Variants in FRMPD1 observed in about 807,000 individuals in gnomAD.
The protein encoded by FRMPD1 is FERM and PDZ domain containing 1, also known as FERM and PDZ domain-containing protein 1.
A neutral mutation model predicts 117.8 loss-of-function variants in FRMPD1; 76 were observed. The ratio of observed to expected loss-of-function variants is 0.65; its 90% CI spans 0.54 to 0.78. The LOEUF is 0.78. Ranked by LOEUF, FRMPD1 falls within the 30% of genes least tolerant of loss-of-function variation. FRMPD1 has a pLI of 0.00. For synonymous variants in FRMPD1, 783 were observed against 770.4 expected (o/e 1.02, Z -0.27); for missense variants, 1,786 against 1,964.5 (o/e 0.91, Z 1.72).
intron 13 of FRMPD1, among the ~76,000 whole-genome samples, chr9:37,735,962 T>TTC (rs372739292): frequency 4.6e-5 from 7 of 152,132 alleles, no homozygotes; most frequent in African/African-American, 1.7e-4. Context: ...ACCATGTGCT[T>TTC]TCCTGTTGGA....
At chr9:37,707,303 A>C in intron 2 of FRMPD1, 113 bp from the exon 3 acceptor site, 1 of 756,028 alleles carries the variant, frequency 1.3e-6, no homozygotes, top group Non-Finnish European at 2.1e-6. Context: ...CAAGAGGAGA[A>C]TTGGTGTCTG....
intron 15 of FRMPD1, among the ~76,000 whole-genome samples, chr9:37,744,171 CAGAA>C (rs1219441430): frequency 2.0e-5 from 3 of 152,076 alleles, no homozygotes; most frequent in Admixed American, 2.0e-4. Context: ...GCCTGGGTGA[CAGAA>C]AGAGACTCCG....
Position 37,673,177 on chromosome 9 carries a change from A to G in FRMPD1, c.-4-19461A>G, listed in dbSNP as rs570439656. Among the ~76,000 whole-genome samples, 476 of 152,308 alleles carry G rather than the reference A, an allele frequency of 3.1e-3. 3 individuals are homozygous for G. The highest frequency in any genetic ancestry group is 0.011 in the African/African-American group (459 of 41,576). On this transcript the variant is annotated intron_variant, in intron 1 of 15. Transcript: ENST00000377765. Reference sequence around the variant, plus strand: ...CAAAAGTAAGCTAGTTACTTCCTAGATACAATGGGGGTACATGTATTGGGT... The same window carrying G: ...CAAAAGTAAGCTAGTTACTTCCTAGGTACAATGGGGGTACATGTATTGGGT...
intron 1 of FRMPD1, among the ~76,000 whole-genome samples, chr9:37,669,115 C>G (rs1445654749): frequency 6.6e-6 from 1 of 152,164 alleles, no homozygotes; most frequent in Non-Finnish European, 1.5e-5. Context: ...CTTCCTTGTC[C>G]ATGCCTCTCT....
intron 1 of FRMPD1, among the ~76,000 whole-genome samples, chr9:37,653,012 G>T (rs189784824): frequency 2.4e-4 from 37 of 151,972 alleles, no homozygotes; most frequent in Admixed American, 1.5e-3. Context: ...GCTGGTACGA[G>T]CAAGGAACTG....
Position 37,708,512 on chromosome 9 carries a change from G to C in FRMPD1, c.362+11G>C. On this transcript the variant is annotated intron_variant, in intron 4 of 15. Coordinates refer to ENST00000377765, the MANE Select transcript of FRMPD1 (RefSeq NM_014907.3). ...AGTCGATATTCTCAGGTACTAAATGGTCTTCCATCATCTACAGAATTGCAC... is the reference window on the plus strand; with the variant it reads ...AGTCGATATTCTCAGGTACTAAATGCTCTTCCATCATCTACAGAATTGCAC... 6.9e-7 allele frequency: 1 copy of C among 1,450,934 alleles called. No homozygotes were observed. Among genetic ancestry groups the C allele is most frequent in the Non-Finnish European group, 9.7e-7 (1 of 1,030,862 alleles). The allele number at this position is 1,450,934 out of a possible 1,614,324, so 89.9% of individuals were successfully genotyped here.
At chr9:37,637,215 G>A in the FRMPD1 span, 1 of 1,609,972 alleles carries the variant, frequency 6.2e-7, no homozygotes, top group Non-Finnish European at 8.5e-7. Context: ...TCAGCAAACC[G>A]CAGGAGCAGG....
chr9:37,705,019 T>C (rs2118129292), intron 2 of FRMPD1, among the ~76,000 whole-genome samples: 1 of 152,302 alleles, frequency 6.6e-6, no homozygotes, highest in East Asian at 1.9e-4. Context: ...TTTCTAGATA[T>C]TTAGCATTCA....
chr9:37,632,852 A>C, the FRMPD1 span, among the ~76,000 whole-genome samples: 1 of 151,236 alleles, frequency 6.6e-6, no homozygotes, highest in African/African-American at 2.4e-5. Flanking sequence ...TCTCAAAGGG[A>C]GGGATGCTAG....
chr9:37,746,750 G>T lies in FRMPD1; in HGVS notation c.4718G>T (p.Arg1573Leu). ...AAVFCLTQKFRASTAL is the reference protein window; with the variant it reads ...AAVFCLTQKFLASTAL ...GTGTTCTGTTTGACCCAGAAGTTCCGGGCATCCACGGCCCTGTAAACAGGT... is the reference window on the plus strand; with the variant it reads ...GTGTTCTGTTTGACCCAGAAGTTCCTGGCATCCACGGCCCTGTAAACAGGT... Residue 1573 changes from arginine to leucine, a missense_variant, in exon 16 of 16, where the codon CGG becomes CTG. By Grantham distance (102) the Arg-to-Leu change is moderately radical. Coordinates refer to ENST00000377765, the MANE Select transcript of FRMPD1 (RefSeq NM_014907.3). 1 of 1,613,840 alleles carries T rather than the reference G, an allele frequency of 6.2e-7. No homozygotes were observed. Among genetic ancestry groups the T allele is most frequent in the Admixed American group, 1.7e-5 (1 of 60,028 alleles).
chr9:37,702,304 G>A (rs111696102), intron 2 of FRMPD1, among the ~76,000 whole-genome samples: 1 of 152,184 alleles, frequency 6.6e-6, no homozygotes, highest in African/African-American at 2.4e-5. Context: ...CTTCCCGTGA[G>A]CAAAGATCTT....
At chr9:37,656,212 A>C (rs1173802507) in intron 1 of FRMPD1, among the ~76,000 whole-genome samples, 1 of 152,150 alleles carries the variant, frequency 6.6e-6, no homozygotes, top group East Asian at 1.9e-4. Flanking sequence ...GATATCTGAA[A>C]TGGTTTGAGT....
chr9:37,611,112 A>T, the FRMPD1 span, among the ~76,000 whole-genome samples: 11 of 152,310 alleles, frequency 7.2e-5, no homozygotes, highest in South Asian at 2.1e-3. Context: ...ATACTGGGCC[A>T]AAGGGTATGT....
the FRMPD1 span, among the ~76,000 whole-genome samples, chr9:37,614,682 A>G: frequency 6.6e-6 from 1 of 152,254 alleles, no homozygotes; most frequent in Non-Finnish European, 1.5e-5. Context: ...GTACATAACC[A>G]GGATGCTAGC....
At chr9:37,625,305 A>G in the FRMPD1 span, among the ~76,000 whole-genome samples, 1 of 152,202 alleles carries the variant, frequency 6.6e-6, no homozygotes, top group Non-Finnish European at 1.5e-5. Flanking sequence ...CCTCAGGGAT[A>G]GGCCCTAAAT....
chr9:37,676,095 G>T (rs1357539243), intron 1 of FRMPD1, among the ~76,000 whole-genome samples: 3 of 152,194 alleles, frequency 2.0e-5, no homozygotes, highest in Non-Finnish European at 4.4e-5. Context: ...GCCTGTCTGC[G>T]CTCCGCATCA....
the FRMPD1 span, among the ~76,000 whole-genome samples, chr9:37,642,081 C>T: frequency 6.6e-6 from 1 of 152,174 alleles, no homozygotes; most frequent in East Asian, 1.9e-4. Context: ...GTGAGAAAGA[C>T]AATCACCATG....
chr9:37,630,028 T>C, the FRMPD1 span, among the ~76,000 whole-genome samples: 161 of 152,304 alleles, frequency 1.1e-3, 1 homozygote, highest in African/African-American at 3.8e-3. Flanking sequence ...TGGAAGGTGC[T>C]AACTCCAGTC....
the FRMPD1 span, among the ~76,000 whole-genome samples, chr9:37,620,052 G>C: frequency 6.6e-6 from 1 of 152,090 alleles, no homozygotes; most frequent in Non-Finnish European, 1.5e-5. Context: ...TCCTTACCCT[G>C]TAACAGAGGG....
Sources: allele counts gnomAD v4.1 joint callset (sites outside exome capture counted in the v4.1 genomes callset), GRCh38; gene constraint gnomAD v4.1.1; transcripts MANE v1.5; gene names NCBI Gene and HGNC (gene_info 2026-07-23, HGNC 2026-07-21).